AHNAK2: variants seen among roughly 807,000 people sequenced by gnomAD.
AHNAK2 encodes AHNAK nucleoprotein 2.
AHNAK2 carries 18 observed loss-of-function variants against 30.7 expected under a neutral mutation model. The observed-to-expected ratio is 0.59, with a 90% CI of 0.41 to 0.87. The LOEUF (loss-of-function observed/expected upper bound fraction) is 0.87. Among genes scored for constraint, AHNAK2 ranks in the 40% least tolerant of loss-of-function variants. AHNAK2 has a pLI of 0.00. For missense variants in AHNAK2, 8,604 were observed against 7,373.0 expected (o/e 1.17, Z -6.11); for synonymous variants, 3,590 against 3,073.8 (o/e 1.17, Z -5.56).
chr14:104,975,063 G>A (rs1166147373), intron 1 of AHNAK2, among the ~76,000 whole-genome samples: 1 of 152,240 alleles, frequency 6.6e-6, no homozygotes, highest in Admixed American at 6.5e-5. Context: ...CCCAGAAGAG[G>A]CAGCTCCTAG....
In AHNAK2 at chr14:104,938,030, T is replaced by C. The variant is rs1223313274; in HGVS notation, c.*33A>G. The C allele has an allele frequency of 1.9e-6, 3 of 1,582,120 alleles. No individual in the cohort carries two copies. The highest frequency in any genetic ancestry group is 2.7e-5 in the African/African-American group (2 of 73,564). On this transcript the variant is annotated 3_prime_UTR_variant, in exon 7 of 7. Transcript: ENST00000333244. ...AGCCTTTACTTTCCAACTTAGTTTT[T>C]TGCATCTCTCTTGTACTGATGAGCC... is the stretch of plus-strand genomic sequence containing the variant.
Position 104,946,607 on chromosome 14 carries a change from G to T in AHNAK2, c.8844C>A (p.Val2948=), listed in dbSNP as rs752889924. 3 of 1,612,734 alleles carry T rather than the reference G, an allele frequency of 1.9e-6. No individual in the cohort carries two copies. The highest frequency in any genetic ancestry group is 2.2e-5 in the South Asian group (2 of 91,016). Residue 2948 remains valine (V), a synonymous_variant, in exon 7 of 7, where the codon GTC becomes GTA. Transcript: ENST00000333244. ...CATCCAGCTTTGCTCTCGGGGCCTC[G>T]ACGTCCACCTCCACGCTGGGCAGAG... ...EVSLPSVEVD[V]EAPRAKLDGA...
rs372983305 is a variant in AHNAK2, at chr14:104,942,492, G to A, written c.12959C>T (p.Ser4320Leu). 7.7e-5 allele frequency: 125 copies of A among 1,612,928 alleles called. No individual in the cohort carries two copies. The highest frequency in any genetic ancestry group is 2.4e-4 in the African/African-American group (18 of 74,734). Residue 4320 changes from serine (S) to leucine (L), a missense_variant, in exon 7 of 7, where the codon TCG becomes TTG. Transcript: ENST00000333244. The part of the protein sequence containing the change: ...VSAPGKSIEA[S>L]LDVSALKVEA... ...CACCTTCAGCGCAGACACATCCAAC[G>A]AGGCCTCGATGGACTTGCCTGGGGC...
At position 104,954,665 on chromosome 14, in the gene AHNAK2, T is replaced by G. The variant is rs1898915877; in HGVS notation, c.786A>C (p.Pro262=). The change falls in exon 7 of 7, where the codon CCA becomes CCC. Residue 262 remains proline, a synonymous_variant. Coordinates refer to ENST00000333244, the MANE Select transcript of AHNAK2 (RefSeq NM_138420.4). This position sits in a 1 kb window ranked among gnomAD's most constrained non-coding sequence, Gnocchi z 4.3. ...GCTTGCTCTTTATGGATTGAAATTT[T>G]GGCCAAGAGAGCCTCTCCCTCTGGC... ...RQSQRERLSW[P]KFQSIKSKRG... 1 of 1,612,982 alleles carries G rather than the reference T, an allele frequency of 6.2e-7. No individual in the cohort carries two copies. The highest frequency in any genetic ancestry group is 8.5e-7 in the Non-Finnish European group (1 of 1,179,726).
In AHNAK2 at chr14:104,948,436, C is replaced by T; in HGVS notation, c.7015G>A (p.Ala2339Thr). 1.2e-6 allele frequency: 2 copies of T among 1,609,972 alleles called. No homozygotes were observed. The highest frequency in any genetic ancestry group is 1.7e-6 in the Non-Finnish European group (2 of 1,178,156). ...TTCAACGCAGACACATCCGCTGAGG[C>T]CTCGATGGACTTGCCAAGGGCAGAC... is the stretch of plus-strand genomic sequence containing the variant. The part of the protein sequence containing the change: ...GVSALGKSIE[A>T]SADVSALKVE... The change falls in exon 7 of 7, where the codon GCC becomes ACC. Residue 2339 changes from alanine to threonine, a missense_variant. Coordinates refer to ENST00000333244, the MANE Select transcript of AHNAK2 (RefSeq NM_138420.4).
Position 104,949,457 on chromosome 14 carries a change from G to A in AHNAK2, c.5994C>T (p.Phe1998=), listed in dbSNP as rs185394155. ...TGGACCTCCCTGGGGCCGATACCCCGAACGACGGCATCTTGAATTTGGGCA... is the reference window on the plus strand; with the variant it reads ...TGGACCTCCCTGGGGCCGATACCCCAAACGACGGCATCTTGAATTTGGGCA... The part of the protein sequence containing the change: ...FKMPKFKMPS[F]GVSAPGRSIE... Residue 1998 remains phenylalanine (F), a synonymous_variant, in exon 7 of 7, where the codon TTC becomes TTT. Coordinates refer to ENST00000333244, the MANE Select transcript of AHNAK2 (RefSeq NM_138420.4). 1,207 of 1,585,922 alleles carry A rather than the reference G, an allele frequency of 7.6e-4. 111 individuals carry two copies. Among genetic ancestry groups the A allele is most frequent in the African/African-American group, 7.3e-3 (529 of 72,820 alleles).
Position 104,938,150 on chromosome 14 carries a change from C to T in AHNAK2, c.17301G>A (p.Ala5767=), listed in dbSNP as rs372839860. ...CGGGCAGGATTAACTCTGTTCTTGC[C>T]GCGGATGTCACCATCACTCTGGAGT... ...GLDSRVMVTS[A]ARTELILPEQ... The change falls in exon 7 of 7, where the codon GCG becomes GCA. Residue 5767 remains alanine, a synonymous_variant. Coordinates refer to ENST00000333244, the MANE Select transcript of AHNAK2 (RefSeq NM_138420.4). 5.5e-5 allele frequency: 89 copies of T among 1,613,824 alleles called. No homozygotes were observed. In the East Asian group the frequency reaches 9.4e-4, roughly 17 times the overall value.
chr14:104,956,459 C>A, intron 4 of AHNAK2, 129 bp downstream of exon 4: 1 of 882,340 alleles, frequency 1.1e-6, no homozygotes, highest in Non-Finnish European at 1.8e-6. Flanking sequence ...GAACACCCCT[C>A]CTCCCCAGGG....
In AHNAK2 at chr14:104,956,606, GA is replaced by G. The variant is rs1165698597; in HGVS notation, c.296del (p.Phe99SerfsTer3). On this transcript the variant is annotated frameshift_variant, in exon 4 of 7. Transcript: ENST00000333244. LOFTEE classifies it high-confidence loss of function. ...TACCCACCTCTGGACGACTCATCCT[GA>G]AAAATGTCCGTGAGTCCCCTGAATC... Reference protein sequence around the residue: ...KRDSGDSRTFFRMSRPEAVQE... With the variant: ...KRDSGDSRTFXRMSRPEAVQE... 3.0e-5 allele frequency: 49 copies of G among 1,613,784 alleles called. No individual in the cohort carries two copies. The highest frequency in any genetic ancestry group is 4.0e-5 in the African/African-American group (3 of 74,928).
chr14:104,944,276 C>A lies in AHNAK2; in HGVS notation c.11175G>T (p.Glu3725Asp), dbSNP rs754870469. Residue 3725 changes from glutamate (E) to aspartate (D), a missense_variant, in exon 7 of 7, where the codon GAG becomes GAT. Glu to Asp is a conservative substitution (Grantham distance 45, BLOSUM62 2). Coordinates refer to ENST00000333244, the MANE Select transcript of AHNAK2 (RefSeq NM_138420.4). ...AGLKEHLPKVEMPSLKMPKVD... is the reference protein window; with the variant it reads ...AGLKEHLPKVDMPSLKMPKVD... ...CTTTGGGCATCTTCAAACTGGGCAT[C>A]TCCACCTTGGGCAGGTGCTCTTTGA... is the stretch of plus-strand genomic sequence containing the variant. 2.5e-6 allele frequency: 4 copies of A among 1,612,854 alleles called. No individual in the cohort carries two copies. Among genetic ancestry groups the A allele is most frequent in the Admixed American group, 3.3e-5 (2 of 59,920 alleles).
At position 104,942,680 on chromosome 14, in the gene AHNAK2, C is replaced by G; in HGVS notation, c.12771G>C (p.Val4257=). 6.2e-7 allele frequency: 1 copy of G among 1,613,522 alleles called. No homozygotes were observed. Among genetic ancestry groups the G allele is most frequent in the Non-Finnish European group, 8.5e-7 (1 of 1,179,746 alleles). The change falls in exon 7 of 7, where the codon GTG becomes GTC. Residue 4257 remains valine, a synonymous_variant. Transcript: ENST00000333244. Reference sequence around the variant, plus strand: ...CCTCCATGCTGGGCAGAGACACCTCCACGACGGGGGTCATCACATCCGCCT... The same window carrying G: ...CCTCCATGCTGGGCAGAGACACCTCGACGACGGGGGTCATCACATCCGCCT... ...GPKADVMTPV[V]EVSLPSMEVD...
rs768615928 is a variant in AHNAK2 at position 104,948,671 on chromosome 14, G to T, written c.6780C>A (p.Gly2260=). The part of the protein sequence containing the change: ...DLKGPEIDIK[G]PKLDLKDPKV... ...TGGGGTCTTTTAGGTCCAGCTTGGGGCCCTTGATGTCTATTTCGGGGCCCT... is the reference window on the plus strand; with the variant it reads ...TGGGGTCTTTTAGGTCCAGCTTGGGTCCCTTGATGTCTATTTCGGGGCCCT... Residue 2260 remains glycine, a synonymous_variant, in exon 7 of 7, where the codon GGC becomes GGA. Transcript: ENST00000333244. 3 of 1,611,568 alleles carry T rather than the reference G, an allele frequency of 1.9e-6. No homozygotes were observed. The highest frequency in any genetic ancestry group is 2.5e-6 in the Non-Finnish European group (3 of 1,179,600).
intron 1 of AHNAK2, among the ~76,000 whole-genome samples, chr14:104,977,339 T>A (rs1899620155): frequency 6.6e-6 from 1 of 152,058 alleles, no homozygotes; most frequent in African/African-American, 2.4e-5. Flanking sequence ...CCCTCCAAGA[T>A]GCTGAGACAC....
rs775101409 is a variant in AHNAK2, at chr14:104,940,907, T to C, written c.14544A>G (p.Pro4848=). Residue 4848 remains proline, a synonymous_variant, in exon 7 of 7, where the codon CCA becomes CCG. Coordinates refer to ENST00000333244, the MANE Select transcript of AHNAK2 (RefSeq NM_138420.4). This position sits in a 1 kb window ranked among gnomAD's most constrained non-coding sequence, Gnocchi z 4.4. ...PTSQAESHSG[P]LNSMIPVSLG... is the part of the protein sequence containing the mutation. Reference sequence around the variant, plus strand: ...GAGAAACAGGAATCATGGAATTCAGTGGGCCAGAGTGACTCTCAGCTTGAG... The same window carrying C: ...GAGAAACAGGAATCATGGAATTCAGCGGGCCAGAGTGACTCTCAGCTTGAG... 6.2e-7 allele frequency: 1 copy of C among 1,612,504 alleles called. No homozygotes were observed. The highest frequency in any genetic ancestry group is 1.1e-5 in the South Asian group (1 of 90,988).
Position 104,952,176 on chromosome 14 carries a change from G to A in AHNAK2, c.3275C>T (p.Pro1092Leu), listed in dbSNP as rs749464679. 1 of 1,612,338 alleles carries A rather than the reference G, an allele frequency of 6.2e-7. No homozygotes were observed. Among genetic ancestry groups the A allele is most frequent in the African/African-American group, 1.3e-5 (1 of 74,144 alleles). ...PKVEMPSFKM[P>L]KVALKGPQVD... ...CTGGGGGCCCTTGAGGGCCACTTTGGGCATCTTGAAACTGGGCATCTCCAC... is the reference window on the plus strand; with the variant it reads ...CTGGGGGCCCTTGAGGGCCACTTTGAGCATCTTGAAACTGGGCATCTCCAC... The change falls in exon 7 of 7, where the codon CCC becomes CTC. Residue 1092 changes from proline to leucine, a missense_variant. By Grantham distance (98) the Pro-to-Leu change is moderately conservative. Transcript: ENST00000333244.
rs747863246 is a variant in AHNAK2, at chr14:104,963,568, C to T, written c.56-5896G>A. ...GCTTCTGGCCAGGCGCGGTGGCTCA[C>T]GCCTGTAATCCCAACACTTTGGGAG... On this transcript the variant is annotated intron_variant, in intron 1 of 6. Coordinates refer to ENST00000333244, the MANE Select transcript of AHNAK2 (RefSeq NM_138420.4). Among the ~76,000 whole-genome samples the T allele has an allele frequency of 2.2e-4, 33 of 152,140 alleles. 1 individual carries two copies. The highest frequency in any genetic ancestry group is 2.6e-4 in the Non-Finnish European group (18 of 68,040).
At chr14:104,972,040 C>T (rs2140884094) in intron 1 of AHNAK2, among the ~76,000 whole-genome samples, 2 of 152,332 alleles carry the variant, frequency 1.3e-5, no homozygotes, top group Middle Eastern at 6.8e-3. Context: ...CTGAGGTGGG[C>T]ACACAGAGAA....
rs758109044 is a variant in AHNAK2, at chr14:104,945,199, G to T, written c.10252C>A (p.Leu3418Met). 1 of 1,613,174 alleles carries T rather than the reference G, an allele frequency of 6.2e-7. No homozygotes were observed. The highest frequency in any genetic ancestry group is 1.1e-5 in the South Asian group (1 of 91,036). ...SPQVDIKGPK[L>M]DLKVPKAEVT... ...TCCGCCTTGGGGACTTTTAGGTCCA[G>T]CTTGGGGCCCTTGATGTCCACCTGG... is the stretch of plus-strand genomic sequence containing the variant. Residue 3418 changes from leucine to methionine, a missense_variant, in exon 7 of 7, where the codon CTG (leucine) becomes ATG (methionine). Leu to Met is a conservative substitution (Grantham distance 15). Transcript: ENST00000333244.
At chr14:104,960,224 G>GA (rs1899097827) in intron 1 of AHNAK2, among the ~76,000 whole-genome samples, 1 of 152,176 alleles carries the variant, frequency 6.6e-6, no homozygotes. Flanking sequence ...AAAGGAGTAG[G>GA]AGGAGAGGGT....
Sources: gnomAD v4.1 joint callset for allele counts (sites outside exome capture counted in the v4.1 genomes callset) on GRCh38, gnomAD v4.1.1 for gene constraint, Gnocchi (gnomAD v3.1) non-coding constraint, MANE v1.5 for transcripts, NCBI Gene and HGNC (gene_info 2026-07-23, HGNC 2026-07-21) for gene names.